OPHN1: variants seen among roughly 807,000 people sequenced by gnomAD.
The protein encoded by OPHN1 is oligophrenin-1.
OPHN1 carries 11 observed loss-of-function variants against 60.7 expected under a neutral mutation model. The observed-to-expected ratio is 0.18, with a 90% CI of 0.11 to 0.30. OPHN1 has a LOEUF of 0.30. Among genes scored for constraint, OPHN1 ranks in the 10% least tolerant of loss-of-function variants. The pLI is 1.00. For missense variants in OPHN1, 449 were observed against 611.0 expected, an observed-to-expected ratio of 0.73 and a Z score of 2.80; for synonymous variants, 226 against 222.6, an observed-to-expected ratio of 1.02 and a Z score of -0.14.
intron 15 of OPHN1, among the ~76,000 whole-genome samples, chrX:68,122,303 C>G (rs1192852071): frequency 8.9e-6 from 1 of 111,737 alleles, no homozygotes; most frequent in Non-Finnish European, 1.9e-5. Context: ...ATGGGATGCT[C>G]TCTAATGCAG....
At chrX:68,141,532 G>C (rs2077242628) in intron 15 of OPHN1, among the ~76,000 whole-genome samples, 1 of 111,606 alleles carries the variant, frequency 9.0e-6, no homozygotes, top group African/African-American at 3.3e-5. Context: ...TTGGCCACAA[G>C]ATATAAACTT....
chrX:68,066,994 T>C (rs925911377), intron 20 of OPHN1, among the ~76,000 whole-genome samples: 10 of 112,300 alleles, frequency 8.9e-5, no homozygotes, highest in African/African-American at 3.2e-4. Flanking sequence ...GCCTCATAAA[T>C]AGGCGTGGGG....
At chrX:68,375,549 T>C (rs73539292) in intron 2 of OPHN1, among the ~76,000 whole-genome samples, 1,285 of 110,937 alleles carry the variant, frequency 0.012, 20 homozygotes, top group African/African-American at 0.041. Context: ...ATTTACAGAG[T>C]GCTTGCTAGG....
At position 68,078,984 on chromosome X, in the gene OPHN1, A is replaced by AAAATAAGT. The variant is rs1555933358; in HGVS notation, c.1687-5686_1687-5685insACTTATTT. 2.9e-5 allele frequency among the ~76,000 whole-genome samples: 3 copies of AAAATAAGT among 102,034 alleles called. No individual in the cohort carries two copies. The East Asian group carries it at 1.0e-3, about 34-fold the overall frequency. The allele number at this position is 102,034 out of a possible 115,157, so 88.6% of individuals were successfully genotyped here. On this transcript the variant is annotated intron_variant, in intron 19 of 24. Transcript: ENST00000355520. Reference sequence around the variant, plus strand: ...CTGGACAACAGAGCAAGACTGTCTCAAAATAAATAAATAAATAAATAAATA... The same window carrying AAAATAAGT: ...CTGGACAACAGAGCAAGACTGTCTCAAAATAAGTAAATAAATAAATAAATAAATAAATA...
At chrX:68,065,008 G>T (rs1034402954) in intron 20 of OPHN1, among the ~76,000 whole-genome samples, 6 of 110,722 alleles carry the variant, frequency 5.4e-5, no homozygotes, top group African/African-American at 2.0e-4. Flanking sequence ...GGGCGGAGGG[G>T]GGAGGGAAAG....
chrX:68,060,313 C>A (rs1870047890), intron 21 of OPHN1, among the ~76,000 whole-genome samples: 1 of 111,409 alleles, frequency 9.0e-6, no homozygotes, highest in Admixed American at 9.6e-5. Context: ...AATCTTGAAC[C>A]CAAGAAGCTG....
intron 2 of OPHN1, among the ~76,000 whole-genome samples, chrX:68,306,506 A>T (rs887843792): frequency 8.9e-6 from 1 of 112,168 alleles, no homozygotes; most frequent in Non-Finnish European, 1.9e-5. Flanking sequence ...GGGGAGCAAG[A>T]ATGAAGGAGA....
intron 15 of OPHN1, among the ~76,000 whole-genome samples, chrX:68,126,866 A>C (rs2077174053): frequency 8.9e-6 from 1 of 111,895 alleles, no homozygotes; most frequent in Non-Finnish European, 1.9e-5. Flanking sequence ...TTTCCACCCA[A>C]ACACCCTACC....
At chrX:68,375,313 C>T (rs751991106) in intron 2 of OPHN1, among the ~76,000 whole-genome samples, 14 of 111,307 alleles carry the variant, frequency 1.3e-4, no homozygotes, top group Non-Finnish European at 2.3e-4. Context: ...CCAAACATAG[C>T]GAGAACTGGT....
Position 68,132,981 on chromosome X carries a change from G to A in OPHN1, c.1277-13649C>T, listed in dbSNP as rs1308639013. The A allele has an allele frequency of 1.3e-5, 6 of 463,820 alleles. No homozygotes were observed. In the Admixed American group the frequency reaches 1.7e-4, roughly 13 times the overall value. 38.2% of individuals were successfully genotyped at this position (463,820 alleles called of 1,213,427 possible). ...CTGCCCAGCCCCACTCCGGGCCTCA[G>A]GCCCCCGGACGCCAAGCCGCCGCCG... On this transcript the variant is annotated intron_variant, in intron 15 of 24. Coordinates refer to ENST00000355520, the MANE Select transcript of OPHN1 (RefSeq NM_002547.3).
intron 2 of OPHN1, among the ~76,000 whole-genome samples, chrX:68,396,534 GC>G (rs1314581176): frequency 9.0e-6 from 1 of 110,666 alleles, no homozygotes; most frequent in African/African-American, 3.3e-5. Context: ...GAATGAGTTG[GC>G]CAGGCGCTGT....
chrX:68,222,956 G>GA (rs201391248), intron 6 of OPHN1, among the ~76,000 whole-genome samples: 11 of 106,739 alleles, frequency 1.0e-4, no homozygotes, highest in Non-Finnish European at 1.4e-4. Flanking sequence ...TAAATAAAAA[G>GA]AAAAAAAAAG....
chrX:68,251,190 T>C (rs761533313), intron 5 of OPHN1, among the ~76,000 whole-genome samples: 11 of 96,462 alleles, frequency 1.1e-4, no homozygotes, highest in Non-Finnish European at 2.1e-4. Context: ...GTTTTTTTTT[T>C]TTTTTTTTTT....
chrX:68,204,947 ATGTG>A (rs1253522926), intron 10 of OPHN1, among the ~76,000 whole-genome samples: 1 of 111,959 alleles, frequency 8.9e-6, no homozygotes, highest in Non-Finnish European at 1.9e-5. Flanking sequence ...TTGAAAAGTA[ATGTG>A]TGTAGAAAAA....
At chrX:68,390,172 T>C (rs1287992734) in intron 2 of OPHN1, among the ~76,000 whole-genome samples, 2 of 111,367 alleles carry the variant, frequency 1.8e-5, no homozygotes, top group African/African-American at 6.5e-5. Flanking sequence ...CAGTGACACA[T>C]GGGGATTATG....
chrX:68,327,871 A>G (rs1438721909), intron 2 of OPHN1, among the ~76,000 whole-genome samples: 6 of 96,594 alleles, frequency 6.2e-5, no homozygotes, highest in East Asian at 3.3e-4. Context: ...CGCCCAGGCC[A>G]GACTGCGGAC....
chrX:68,239,163 G>A (rs993291877), intron 5 of OPHN1, among the ~76,000 whole-genome samples: 7 of 42,457 alleles, frequency 1.6e-4, no homozygotes, highest in Non-Finnish European at 3.1e-4. Context: ...TCCTCTGACC[G>A]CCCTCGGCTG....
intron 15 of OPHN1, among the ~76,000 whole-genome samples, chrX:68,165,713 A>T: frequency 8.9e-6 from 1 of 112,272 alleles, no homozygotes; most frequent in Non-Finnish European, 1.9e-5. Flanking sequence ...ACATCGCCAC[A>T]GTGCTTCAAT....
At chrX:68,406,087 G>A (rs1225429697) in intron 2 of OPHN1, among the ~76,000 whole-genome samples, 1 of 108,582 alleles carries the variant, frequency 9.2e-6, no homozygotes. Flanking sequence ...GGCAGAGGCT[G>A]CAGTAAGCTG....
Sources: allele counts gnomAD v4.1 joint callset (sites outside exome capture counted in the v4.1 genomes callset), GRCh38; gene constraint gnomAD v4.1.1; transcripts MANE v1.5; gene names NCBI Gene and HGNC (gene_info 2026-07-23, HGNC 2026-07-21).